GAB2: variants seen among roughly 807,000 people sequenced by gnomAD.
The protein encoded by GAB2 is GRB2-associated-binding protein 2.
GAB2 carries 26 observed loss-of-function variants against 65.5 expected under a neutral mutation model. The observed-to-expected ratio is 0.40, with a 90% confidence interval of 0.29 to 0.55. The LOEUF (loss-of-function observed/expected upper bound fraction) is 0.55, where lower values mean the gene tolerates loss of function less well. Among genes scored for constraint, GAB2 ranks in the 20% least tolerant of loss-of-function variants. The pLI is 0.53. For synonymous variants in GAB2, 321 were observed against 329.6 expected, an observed-to-expected ratio of 0.97 and a Z score of 0.28; for missense variants, 884 against 875.8, an observed-to-expected ratio of 1.01 and a Z score of -0.12.
intron 1 of GAB2, among the ~76,000 whole-genome samples, chr11:78,290,134 A>G (rs748575621): frequency 6.6e-6 from 1 of 152,222 alleles, no homozygotes; most frequent in Non-Finnish European, 1.5e-5. Flanking sequence ...CAAGAAAACA[A>G]TTAAGAAGCT....
intron 1 of GAB2, among the ~76,000 whole-genome samples, chr11:78,286,343 T>C (rs1339737283): frequency 6.6e-6 from 1 of 152,120 alleles, no homozygotes; most frequent in Non-Finnish European, 1.5e-5. Flanking sequence ...AAGGCCTTTA[T>C]TGACTCCCCC....
At chr11:78,276,379 T>C (rs1866171728) in intron 2 of GAB2, among the ~76,000 whole-genome samples, 1 of 152,134 alleles carries the variant, frequency 6.6e-6, no homozygotes, top group Non-Finnish European at 1.5e-5. Context: ...CCAAATAGCT[T>C]GGATTACAGG....
At chr11:78,413,604 G>A (rs905083931) in intron 1 of GAB2, among the ~76,000 whole-genome samples, 2 of 152,114 alleles carry the variant, frequency 1.3e-5, no homozygotes, top group African/African-American at 4.8e-5. Flanking sequence ...AAGGAAGACT[G>A]CATAAACCAC....
At chr11:78,392,847 C>T (rs1298725601) in intron 1 of GAB2, among the ~76,000 whole-genome samples, 9 of 152,344 alleles carry the variant, frequency 5.9e-5, no homozygotes, top group Admixed American at 5.2e-4. Flanking sequence ...TTATAATTTT[C>T]TCTGCAGCCT....
chr11:78,257,455 A>C (rs955869566), intron 2 of GAB2, among the ~76,000 whole-genome samples: 1 of 152,218 alleles, frequency 6.6e-6, no homozygotes, highest in African/African-American at 2.4e-5. Flanking sequence ...TATGTTAATA[A>C]GCCTTTTTAA....
intron 2 of GAB2, among the ~76,000 whole-genome samples, chr11:78,267,083 T>A (rs1367368761): frequency 6.6e-6 from 1 of 152,096 alleles, no homozygotes; most frequent in Non-Finnish European, 1.5e-5. Context: ...AAGACTCTGG[T>A]CTATGAGAAG....
intron 2 of GAB2, among the ~76,000 whole-genome samples, chr11:78,266,770 A>G (rs967704620): frequency 5.3e-5 from 8 of 152,200 alleles, no homozygotes; most frequent in Admixed American, 4.6e-4. Context: ...GAGAGAACAA[A>G]AACTGGAGAA....
intron 1 of GAB2, among the ~76,000 whole-genome samples, chr11:78,307,706 AT>A (rs1855399667): frequency 2.0e-5 from 3 of 152,236 alleles, no homozygotes; most frequent in Admixed American, 6.5e-5. Flanking sequence ...TTTATAACTA[AT>A]TGAATCTGCA....
At chr11:78,320,639 A>T (rs1411701256) in intron 1 of GAB2, among the ~76,000 whole-genome samples, 1 of 151,602 alleles carries the variant, frequency 6.6e-6, no homozygotes, top group African/African-American at 2.4e-5. Context: ...CCCAGGCTGA[A>T]GTGCAGTGGT....
Position 78,226,388 on chromosome 11 carries a change from C to T in GAB2, c.1207+77G>A, listed in dbSNP as rs1038853876. The T allele has an allele frequency of 1.4e-5, 17 of 1,186,924 alleles. No individual in the cohort carries two copies. In the South Asian group the frequency reaches 1.8e-4, roughly 13 times the overall value. The allele number at this position is 1,186,924 out of a possible 1,614,324, so 73.5% of individuals were successfully genotyped here. ...GTAAGTTCCCCTCGGCCATGGATGA[C>T]CAAGGACCATCAAACTATTGAGAAC... On this transcript the variant is annotated intron_variant, in intron 4 of 9. Coordinates refer to ENST00000361507, the MANE Select transcript of GAB2 (RefSeq NM_080491.3).
At chr11:78,409,387 C>G (rs770822107) in intron 1 of GAB2, among the ~76,000 whole-genome samples, 3 of 152,138 alleles carry the variant, frequency 2.0e-5, no homozygotes, top group African/African-American at 7.2e-5. Context: ...GAGTTCGAGA[C>G]CAGTCTGGCC....
At chr11:78,412,670 CT>C (rs1857144345) in intron 1 of GAB2, among the ~76,000 whole-genome samples, 1 of 152,166 alleles carries the variant, frequency 6.6e-6, no homozygotes, top group Non-Finnish European at 1.5e-5. Flanking sequence ...CTACATAAAT[CT>C]TTGTTTACTA....
intron 3 of GAB2, among the ~76,000 whole-genome samples, chr11:78,232,120 T>G (rs1864866333): frequency 6.6e-6 from 1 of 152,252 alleles, no homozygotes; most frequent in East Asian, 1.9e-4. Context: ...TTGTATATTT[T>G]GCCTTTGGTC....
intron 1 of GAB2, among the ~76,000 whole-genome samples, chr11:78,380,447 G>A (rs1296252838): frequency 2.0e-5 from 3 of 152,066 alleles, no homozygotes; most frequent in African/African-American, 4.8e-5. Flanking sequence ...CGCGTGATCC[G>A]CCTGCCTCGG....
chr11:78,388,820 G>C (rs1007436772), intron 1 of GAB2, among the ~76,000 whole-genome samples: 23 of 152,184 alleles, frequency 1.5e-4, no homozygotes, highest in African/African-American at 5.5e-4. Context: ...GTTAAAAAGA[G>C]AGAGAAAGAG....
chr11:78,305,488 T>C (rs1855336970), intron 1 of GAB2, among the ~76,000 whole-genome samples: 3 of 152,172 alleles, frequency 2.0e-5, no homozygotes, highest in South Asian at 2.1e-4. Context: ...ACAGGGAGGC[T>C]CCAGGTGCCT....
intron 1 of GAB2, among the ~76,000 whole-genome samples, chr11:78,370,548 CAG>C (rs1482623859): frequency 2.0e-5 from 3 of 151,948 alleles, no homozygotes; most frequent in East Asian, 1.9e-4. Context: ...AATCTCAGAG[CAG>C]AGAGTGGGGA....
chr11:78,369,031 A>G (rs1434516157), intron 1 of GAB2, among the ~76,000 whole-genome samples: 1 of 151,628 alleles, frequency 6.6e-6, no homozygotes, highest in Non-Finnish European at 1.5e-5. Context: ...CCAGCTACTC[A>G]GGAGGCTGAG....
chr11:78,228,882 A>AT (rs1864761721), intron 3 of GAB2, among the ~76,000 whole-genome samples: 1 of 152,054 alleles, frequency 6.6e-6, no homozygotes. Context: ...TGTTGTATGC[A>AT]TTTTTTTGGT....
Sources: allele counts gnomAD v4.1 joint callset (sites outside exome capture counted in the v4.1 genomes callset), GRCh38; gene constraint gnomAD v4.1.1; transcripts MANE v1.5; gene names NCBI Gene and HGNC (gene_info 2026-07-23, HGNC 2026-07-21).